Variants in SIRPD observed in about 807,000 individuals in gnomAD.
SIRPD encodes signal regulatory protein delta.
A neutral mutation model predicts 18.0 loss-of-function variants in SIRPD; 21 were observed. The observed-to-expected ratio is 1.17, with a 90% CI of 0.83 to 1.68. SIRPD has a LOEUF of 1.68. Among genes scored for constraint, SIRPD ranks in the 40% most tolerant of loss-of-function variants. The pLI, the probability that SIRPD is intolerant of heterozygous loss-of-function variation, is 0.00. For missense variants in SIRPD, 295 were observed against 238.4 expected (o/e 1.24, Z -1.56); for synonymous variants, 106 against 92.9 (o/e 1.14, Z -0.81).
At chr20:1,535,215 G>C (rs1032135916) in intron 3 of SIRPD, among the ~76,000 whole-genome samples, 3 of 152,154 alleles carry the variant, frequency 2.0e-5, no homozygotes, top group African/African-American at 7.2e-5. Context: ...ACCATATTTT[G>C]TGTAATCTTA....
In SIRPD at chr20:1,534,292, T is replaced by G; in HGVS notation, c.*133A>C. ...AGACAGATTTATTGTACGATCAAGC[T>G]GGCATTTTATGTCAGTGGAAGAAAG... On this transcript the variant is annotated 3_prime_UTR_variant, in exon 4 of 4. Transcript: ENST00000381623. 8.2e-7 allele frequency: 1 copy of G among 1,213,348 alleles called. No homozygotes were observed. Among genetic ancestry groups the G allele is most frequent in the Middle Eastern group, 2.8e-4 (1 of 3,512 alleles). 75.2% of individuals were successfully genotyped at this position (1,213,348 alleles called of 1,614,324 possible).
In SIRPD at chr20:1,551,890, T is replaced by C. The variant is rs2091020821; in HGVS notation, c.222A>G (p.Leu74=). The change falls in exon 2 of 4, where the codon TTA becomes TTG. Residue 74 remains leucine (L), a synonymous_variant. Transcript: ENST00000381623. The part of the protein sequence containing the change: ...WFKGTGPNRK[L]IYNFKQGNFP... ...AGTTACCTTGTTTGAAATTGTAGAT[T>C]AATTTCCGGTTTGGCCCTGTTCCCT... The C allele has an allele frequency of 6.2e-7, 1 of 1,614,088 alleles. No individual in the cohort carries two copies. Among genetic ancestry groups the C allele is most frequent in the East Asian group, 2.2e-5 (1 of 44,882 alleles).
chr20:1,548,133 T>C (rs190812166), intron 2 of SIRPD, among the ~76,000 whole-genome samples: 65 of 152,302 alleles, frequency 4.3e-4, no homozygotes, highest in Middle Eastern at 3.4e-3. Context: ...TGATAGGAGA[T>C]ATCCTTGTGT....
chr20:1,536,886 G>A (rs1207477522), intron 3 of SIRPD, among the ~76,000 whole-genome samples: 1 of 152,162 alleles, frequency 6.6e-6, no homozygotes, highest in Non-Finnish European at 1.5e-5. Flanking sequence ...GGAAGTGAGA[G>A]GGACTGGGCA....
intron 1 of SIRPD, among the ~76,000 whole-genome samples, chr20:1,556,844 T>A (rs1291456441): frequency 6.6e-6 from 1 of 152,236 alleles, no homozygotes; most frequent in Non-Finnish European, 1.5e-5. Context: ...TCTCCAGACC[T>A]GTGAGAAAAT....
Position 1,551,758 on chromosome 20 carries a change from C to A in SIRPD, c.354G>T (p.Val118=). Reference sequence around the variant, plus strand: ...TGATAGCTCTTCCTTTTATGAACTTCACGCAGTAATAGGTGCCAGCATCAG... The same window carrying A: ...TGATAGCTCTTCCTTTTATGAACTTAACGCAGTAATAGGTGCCAGCATCAG... The part of the protein sequence containing the change: ...SLADAGTYYC[V]KFIKGRAIKE... The change falls in exon 2 of 4, where the codon GTG becomes GTT. Residue 118 remains valine, a synonymous_variant. Transcript: ENST00000381623. The A allele has an allele frequency of 6.2e-7, 1 of 1,614,070 alleles. No homozygotes were observed. Among genetic ancestry groups the A allele is most frequent in the East Asian group, 2.2e-5 (1 of 44,872 alleles).
chr20:1,545,421 C>T (rs1164629614), intron 2 of SIRPD, among the ~76,000 whole-genome samples: 1 of 152,140 alleles, frequency 6.6e-6, no homozygotes, highest in Non-Finnish European at 1.5e-5. Context: ...CTTGATACTT[C>T]TGTATGCTTC....
intron 2 of SIRPD, among the ~76,000 whole-genome samples, chr20:1,539,460 G>A (rs956986439): frequency 6.6e-6 from 1 of 152,098 alleles, no homozygotes; most frequent in African/African-American, 2.4e-5. Context: ...TCAGTTGTTG[G>A]GTGCAGTGCT....
At position 1,550,872 on chromosome 20, in the gene SIRPD, A is replaced by G. The variant is rs367915706; in HGVS notation, c.421+819T>C. On this transcript the variant is annotated intron_variant, in intron 2 of 3. Coordinates refer to ENST00000381623, the MANE Select transcript of SIRPD (RefSeq NM_178460.3). Reference sequence around the variant, plus strand: ...ATGTTTGGAATATAGTAGATGCCCAATAAATGTTAGCATTATTGTATTACC... The same window carrying G: ...ATGTTTGGAATATAGTAGATGCCCAGTAAATGTTAGCATTATTGTATTACC... Among the ~76,000 whole-genome samples the G allele has an allele frequency of 2.0e-5, 3 of 152,212 alleles. No individual in the cohort carries two copies. The South Asian group carries it at 6.2e-4, about 31-fold the overall frequency.
chr20:1,556,490 G>A (rs1372721204), intron 1 of SIRPD, among the ~76,000 whole-genome samples: 1 of 152,202 alleles, frequency 6.6e-6, no homozygotes, highest in Non-Finnish European at 1.5e-5. Flanking sequence ...GAGTTGAATT[G>A]TATGCCTCCG....
At chr20:1,544,392 G>T (rs1438654567) in intron 2 of SIRPD, among the ~76,000 whole-genome samples, 1 of 149,352 alleles carries the variant, frequency 6.7e-6, no homozygotes, top group Non-Finnish European at 1.5e-5. Context: ...TTTGATCTTT[G>T]TTGGTTTAAA....
intron 2 of SIRPD, among the ~76,000 whole-genome samples, chr20:1,541,909 T>G (rs936416966): frequency 6.6e-6 from 1 of 152,204 alleles, no homozygotes; most frequent in Admixed American, 6.5e-5. Flanking sequence ...CTTTCCCCAT[T>G]GCTTATTTTT....
chr20:1,551,755 C>G lies in SIRPD; in HGVS notation c.357G>C (p.Lys119Asn), dbSNP rs571299254. 2.5e-6 allele frequency: 4 copies of G among 1,614,100 alleles called. No homozygotes were observed. In the Admixed American group the frequency reaches 6.7e-5, roughly 27 times the overall value. ...CCTTGATAGCTCTTCCTTTTATGAA[C>G]TTCACGCAGTAATAGGTGCCAGCAT... is the stretch of plus-strand genomic sequence containing the variant. ...LADAGTYYCVKFIKGRAIKEY... is the reference protein window; with the variant it reads ...LADAGTYYCVNFIKGRAIKEY... Residue 119 changes from lysine to asparagine, a missense_variant, in exon 2 of 4, where the codon AAG becomes AAC. Transcript: ENST00000381623.
At position 1,557,571 on chromosome 20, in the gene SIRPD, C is replaced by T. The variant is rs760751653; in HGVS notation, c.73+10G>A. ...AACCCACCACACACATACACTGAGGCCCCACTCACCTGCCAGTTCAAGCAG... is the reference window on the plus strand; with the variant it reads ...AACCCACCACACACATACACTGAGGTCCCACTCACCTGCCAGTTCAAGCAG... On this transcript the variant is annotated intron_variant, in intron 1 of 3. Transcript: ENST00000381623. 5.1e-6 allele frequency: 8 copies of T among 1,558,082 alleles called. No homozygotes were observed. The South Asian group carries it at 8.6e-5, about 17-fold the overall frequency.
intron 3 of SIRPD, among the ~76,000 whole-genome samples, chr20:1,536,554 A>G (rs1031256712): frequency 1.3e-5 from 2 of 152,268 alleles, no homozygotes; most frequent in Admixed American, 6.5e-5. Context: ...CAGGAGAAAC[A>G]CCCGCATCAA....
chr20:1,543,032 C>T (rs1359125564), intron 2 of SIRPD, among the ~76,000 whole-genome samples: 1 of 152,118 alleles, frequency 6.6e-6, no homozygotes, highest in Non-Finnish European at 1.5e-5. Flanking sequence ...TTCGGTTAGC[C>T]AGTATTTTAT....
At chr20:1,556,060 A>T (rs888950115) in intron 1 of SIRPD, among the ~76,000 whole-genome samples, 6 of 152,220 alleles carry the variant, frequency 3.9e-5, no homozygotes, top group Non-Finnish European at 2.9e-5. Flanking sequence ...GCAGTTTGCA[A>T]CATGGCTCCT....
At chr20:1,537,533 C>T (rs1450682934) in intron 2 of SIRPD, among the ~76,000 whole-genome samples, 1 of 152,188 alleles carries the variant, frequency 6.6e-6, no homozygotes, top group Non-Finnish European at 1.5e-5. Context: ...CACTTTGTGT[C>T]AGGTGTGCTG....
intron 2 of SIRPD, among the ~76,000 whole-genome samples, chr20:1,541,233 A>T (rs1203555077): frequency 1.3e-5 from 2 of 152,198 alleles, no homozygotes; most frequent in Non-Finnish European, 2.9e-5. Context: ...ACAATGGTTG[A>T]AGTAATTTAC....
Sources: gnomAD v4.1 joint callset for allele counts (sites outside exome capture counted in the v4.1 genomes callset) on GRCh38, gnomAD v4.1.1 for gene constraint, MANE v1.5 for transcripts, NCBI Gene and HGNC (gene_info 2026-07-23, HGNC 2026-07-21) for gene names.